The following MALRD1 variants were observed in gnomAD, a reference collection of about 807,000 sequenced individuals.
MALRD1 encodes MAM and LDL-receptor class A domain-containing protein 1.
A neutral mutation model predicts 242.1 loss-of-function variants in MALRD1; 247 were observed. The observed-to-expected ratio is 1.02, with a 90% CI of 0.92 to 1.13. MALRD1 has a LOEUF of 1.13. Among genes scored for constraint, MALRD1 ranks in the 50% most tolerant of loss-of-function variants. The pLI is 0.00. For synonymous variants in MALRD1, 995 were observed against 866.6 expected, an observed-to-expected ratio of 1.15 and a Z score of -2.60; for missense variants, 2,989 against 2,533.1, an observed-to-expected ratio of 1.18 and a Z score of -3.86.
intron 38 of MALRD1, among the ~76,000 whole-genome samples, chr10:19,708,364 G>T (rs1206039045): frequency 1.9e-5 from 2 of 102,776 alleles, no homozygotes; most frequent in African/African-American, 6.2e-5. Context: ...TTGAGACAGG[G>T]TCTTGTTCTG....
At chr10:19,506,038 ATTCTGCGTGGGAT>A (rs1833121704) in intron 31 of MALRD1, among the ~76,000 whole-genome samples, 1 of 152,126 alleles carries the variant, frequency 6.6e-6, no homozygotes, top group African/African-American at 2.4e-5. Context: ...ATTTTTAAGA[ATTCTGCGTGGGAT>A]TCCAGTGCGT....
At chr10:19,098,019 TC>T (rs1836107684) in intron 4 of MALRD1, among the ~76,000 whole-genome samples, 1 of 152,148 alleles carries the variant, frequency 6.6e-6, no homozygotes, top group African/African-American at 2.4e-5. Flanking sequence ...CCCTCTACTT[TC>T]TTAAGAAACT....
chr10:19,707,625 A>G (rs939997895), intron 38 of MALRD1, among the ~76,000 whole-genome samples: 88 of 152,120 alleles, frequency 5.8e-4, no homozygotes, highest in Non-Finnish European at 1.1e-3. Context: ...CATGGGTTTG[A>G]AGTCATGGGT....
chr10:19,087,568 G>T lies in MALRD1; in HGVS notation c.341-272G>T, dbSNP rs371476458. ...TTTCTTTTTTTTTTTTTTAAGTTTT[G>T]TAGGTACACAGTAGATGTGTATATC... On this transcript the variant is annotated intron_variant, in intron 2 of 39. Transcript: ENST00000454679. Among the ~76,000 whole-genome samples the T allele has an allele frequency of 5.2e-3, 762 of 146,208 alleles. 12 individuals carry two copies. Among genetic ancestry groups the T allele is most frequent in the African/African-American group, 0.018 (708 of 39,686 alleles).
At chr10:19,689,287 A>G (rs1394619107) in intron 36 of MALRD1, among the ~76,000 whole-genome samples, 1 of 152,112 alleles carries the variant, frequency 6.6e-6, no homozygotes, top group Admixed American at 6.6e-5. Flanking sequence ...AGGTAAAAGT[A>G]GTAGGAGGAG....
At chr10:19,543,433 C>CTATTTT (rs778674889) in intron 32 of MALRD1, among the ~76,000 whole-genome samples, 6 of 106,436 alleles carry the variant, frequency 5.6e-5, no homozygotes, top group African/African-American at 2.0e-4. Flanking sequence ...CAGCTGATTT[C>CTATTTT]TTTTTTTTTT....
At chr10:19,649,800 C>CA (rs1360032856) in intron 36 of MALRD1, among the ~76,000 whole-genome samples, 3 of 152,094 alleles carry the variant, frequency 2.0e-5, no homozygotes, top group Non-Finnish European at 4.4e-5. Flanking sequence ...AATTTCTGCC[C>CA]ATTCCTATGT....
intron 29 of MALRD1, among the ~76,000 whole-genome samples, chr10:19,453,456 T>G (rs991155097): frequency 2.6e-5 from 4 of 152,210 alleles, no homozygotes; most frequent in Admixed American, 6.5e-5. Flanking sequence ...ATTGTACAAC[T>G]TCATAAACAT....
rs934557774 is a variant in MALRD1, at chr10:19,319,966, T to G, written c.3420-3983T>G. 5.3e-5 allele frequency among the ~76,000 whole-genome samples: 8 copies of G among 152,008 alleles called. 2 individuals carry two copies. ...CATTTGTAGACAAAAACATCTTAAT[T>G]TTTAGAGTTATTTTCTTTTGTAGCC... On this transcript the variant is annotated intron_variant, in intron 21 of 39. Coordinates refer to ENST00000454679, the MANE Select transcript of MALRD1 (RefSeq NM_001142308.3).
chr10:19,355,799 A>G (rs1588958193), intron 26 of MALRD1, among the ~76,000 whole-genome samples: 1 of 142,508 alleles, frequency 7.0e-6, no homozygotes, highest in African/African-American at 2.6e-5. Context: ...CTGTGAGTTT[A>G]GAAGACTCTG....
At chr10:19,266,649 A>G (rs902640691) in intron 19 of MALRD1, among the ~76,000 whole-genome samples, 6 of 152,108 alleles carry the variant, frequency 3.9e-5, no homozygotes, top group Middle Eastern at 3.4e-3. Flanking sequence ...ATACTAAAAG[A>G]TAAATGTTAT....
At chr10:19,323,559 A>G (rs1424067436) in intron 21 of MALRD1, among the ~76,000 whole-genome samples, 1 of 152,172 alleles carries the variant, frequency 6.6e-6, no homozygotes, top group Admixed American at 6.6e-5. Flanking sequence ...TTTAGGAAAA[A>G]ATATAAAGCA....
intron 25 of MALRD1, among the ~76,000 whole-genome samples, chr10:19,349,861 T>C (rs139828814): frequency 6.6e-6 from 1 of 152,276 alleles, no homozygotes; most frequent in Non-Finnish European, 1.5e-5. Flanking sequence ...TTTTTCATAC[T>C]GTAGTAACTA....
intron 28 of MALRD1, among the ~76,000 whole-genome samples, chr10:19,428,105 G>A (rs1446215692): frequency 2.6e-5 from 4 of 151,804 alleles, no homozygotes; most frequent in Admixed American, 1.3e-4. Context: ...TTGACCCAGC[G>A]TCACTTTCCT....
At chr10:19,462,433 C>T (rs1315838191) in intron 29 of MALRD1, among the ~76,000 whole-genome samples, 1 of 152,238 alleles carries the variant, frequency 6.6e-6, no homozygotes. Context: ...TTTGCATCTC[C>T]TTCTGCCTCC....
chr10:19,719,230 A>ATATG (rs1564567422), intron 38 of MALRD1, among the ~76,000 whole-genome samples: 8 of 31,642 alleles, frequency 2.5e-4, no homozygotes, highest in Admixed American at 1.3e-3. Context: ...ATACATATAT[A>ATATG]TATATATATA....
chr10:19,634,802 A>G (rs1840057530), intron 36 of MALRD1, among the ~76,000 whole-genome samples: 1 of 152,134 alleles, frequency 6.6e-6, no homozygotes, highest in Non-Finnish European at 1.5e-5. Context: ...GTTAGATGCC[A>G]CAGACCTATT....
intron 21 of MALRD1, among the ~76,000 whole-genome samples, chr10:19,289,119 A>G (rs1220000247): frequency 6.6e-6 from 1 of 152,106 alleles, no homozygotes; most frequent in Non-Finnish European, 1.5e-5. Flanking sequence ...AAAAAAAGCA[A>G]AGGACACTTA....
intron 32 of MALRD1, among the ~76,000 whole-genome samples, chr10:19,557,400 C>A (rs1036208239): frequency 6.6e-6 from 1 of 152,052 alleles, no homozygotes; most frequent in Non-Finnish European, 1.5e-5. Context: ...TTATCTTCTA[C>A]AAGTTTTATA....
Sources: allele counts gnomAD v4.1 joint callset (sites outside exome capture counted in the v4.1 genomes callset), GRCh38; gene constraint gnomAD v4.1.1; transcripts MANE v1.5; gene names NCBI Gene and HGNC (gene_info 2026-07-23, HGNC 2026-07-21).